CCDC144A: variants seen among roughly 807,000 people sequenced by gnomAD.
The protein encoded by CCDC144A is coiled-coil domain-containing protein 144A.
In CCDC144A, 41 loss-of-function variants were observed where a neutral mutation model predicts 143.8. The ratio of observed to expected loss-of-function variants is 0.29; its 90% CI spans 0.22 to 0.37. CCDC144A has a LOEUF of 0.37. Ranked by LOEUF, CCDC144A falls within the 10% of genes least tolerant of loss-of-function variation. The pLI, the probability that CCDC144A is intolerant of heterozygous loss-of-function variation, is 1.00. For missense variants in CCDC144A, 637 were observed against 1,488.8 expected, an observed-to-expected ratio of 0.43 and a Z score of 9.41; for synonymous variants, 242 against 517.9, an observed-to-expected ratio of 0.47 and a Z score of 7.23.
intron 12 of CCDC144A, chr17:16,746,747 C>T (rs1914542612): frequency 1.2e-6 from 2 of 1,609,954 alleles, no homozygotes; most frequent in South Asian, 1.1e-5. Flanking sequence ...CGGAGGCAGG[C>T]GGCAGATGAC....
At chr17:16,772,844 A>C in intron 16 of CCDC144A, 1 of 1,114,248 alleles carries the variant, frequency 9.0e-7, no homozygotes, top group Non-Finnish European at 1.3e-6. Flanking sequence ...GAAATTGCCT[A>C]TTTGTCTGCT....
At chr17:16,762,840 G>C (rs1479814372) in intron 14 of CCDC144A, among the ~76,000 whole-genome samples, 1 of 151,330 alleles carries the variant, frequency 6.6e-6, no homozygotes, top group African/African-American at 2.5e-5. Flanking sequence ...ATCTATTAGG[G>C]TTTCAGCTAA....
chr17:16,684,231 C>T, the CCDC144A span: 9 of 901,964 alleles, frequency 1.0e-5, no homozygotes, highest in East Asian at 2.4e-5. Context: ...ATTCAGTGGG[C>T]GAGTATCTTA....
At chr17:16,671,523 A>G in the CCDC144A span, among the ~76,000 whole-genome samples, 6 of 151,990 alleles carry the variant, frequency 3.9e-5, no homozygotes, top group African/African-American at 1.4e-4. Context: ...AATTAAATGT[A>G]CCATTTAATC....
At chr17:16,751,680 C>T (rs1369222542) in intron 12 of CCDC144A, among the ~76,000 whole-genome samples, 2 of 152,232 alleles carry the variant, frequency 1.3e-5, no homozygotes, top group Non-Finnish European at 2.9e-5. Flanking sequence ...TGCTGGTTGT[C>T]TGGGCTTGGT....
intron 12 of CCDC144A, chr17:16,745,710 C>G: frequency 6.2e-7 from 1 of 1,614,088 alleles, no homozygotes; most frequent in Non-Finnish European, 8.5e-7. Context: ...GCCACACTCT[C>G]GCGCTCGGAA....
rs982973555 is a variant in CCDC144A, at chr17:16,690,446, C to T, written c.46C>T (p.Pro16Ser). The T allele has an allele frequency of 1.4e-5, 22 of 1,607,876 alleles. No homozygotes were observed. The African/African-American group carries it at 2.4e-4, about 18-fold the overall frequency. ...AAAGCGGGGAGGGGCTGAGGGGTCT[C>T]CGAAGCCGGCAGTCTACGCCACGAG... ...GEKRGGAEGS[P>S]KPAVYATRKT... Residue 16 changes from proline to serine, a missense_variant, in exon 1 of 17, where the codon CCG becomes TCG. Coordinates refer to ENST00000399273, the MANE Select transcript of CCDC144A (RefSeq NM_001382000.1).
chr17:16,687,873 C>T (rs1405604476), upstream of CCDC144A, among the ~76,000 whole-genome samples: 3 of 151,932 alleles, frequency 2.0e-5, no homozygotes, highest in Admixed American at 6.6e-5. Flanking sequence ...AAATCTGTAG[C>T]ATCCTGAGTA....
At chr17:16,751,646 G>A (rs988586936) in intron 12 of CCDC144A, among the ~76,000 whole-genome samples, 1 of 152,256 alleles carries the variant, frequency 6.6e-6, no homozygotes, top group Non-Finnish European at 1.5e-5. Flanking sequence ...AGGTTGCCGA[G>A]AGACCTACAA....
At chr17:16,702,521 C>T (rs1303463888) in intron 2 of CCDC144A, among the ~76,000 whole-genome samples, 1 of 152,192 alleles carries the variant, frequency 6.6e-6, no homozygotes, top group African/African-American at 2.4e-5. Flanking sequence ...ATCCTTGTCC[C>T]TGGTCTCTTC....
chr17:16,772,252 C>CGAAGAA (rs1223398544), intron 16 of CCDC144A, among the ~76,000 whole-genome samples: 1 of 152,094 alleles, frequency 6.6e-6, no homozygotes, highest in Non-Finnish European at 1.5e-5. Context: ...AAGTCTGGCT[C>CGAAGAA]TACTCTTCAC....
At chr17:16,748,082 T>A (rs1390826125) in intron 12 of CCDC144A, among the ~76,000 whole-genome samples, 2 of 152,212 alleles carry the variant, frequency 1.3e-5, no homozygotes, top group East Asian at 3.8e-4. Context: ...AAGGTCTCAC[T>A]GTGTTGCCCA....
rs1042860434 is a variant in CCDC144A, at chr17:16,736,698, G to A, written c.3372+1055G>A. Among the ~76,000 whole-genome samples the A allele has an allele frequency of 6.6e-5, 10 of 151,696 alleles. No individual in the cohort carries two copies. In the East Asian group the frequency reaches 1.4e-3, roughly 21 times the overall value. On this transcript the variant is annotated intron_variant, in intron 12 of 16. Transcript: ENST00000399273. ...ACATATAGCAGGAATGGACTGAATC[G>A]GTGAGACAGTTGTAGGAGCTGAGAT...
At chr17:16,753,448 T>G (rs1201508104) in intron 12 of CCDC144A, among the ~76,000 whole-genome samples, 38 of 145,844 alleles carry the variant, frequency 2.6e-4, no homozygotes, top group African/African-American at 6.4e-4. Context: ...TTTTTTTTTT[T>G]TTTTTTTTGT....
At chr17:16,692,187 G>T (rs1370357644) in intron 1 of CCDC144A, among the ~76,000 whole-genome samples, 2 of 151,860 alleles carry the variant, frequency 1.3e-5, no homozygotes, top group African/African-American at 4.8e-5. Flanking sequence ...ATGAACATGG[G>T]GATTGAGCAT....
intron 2 of CCDC144A, among the ~76,000 whole-genome samples, chr17:16,699,494 G>T (rs1911603991): frequency 1.7e-5 from 1 of 59,942 alleles, no homozygotes; most frequent in Admixed American, 2.2e-4. Context: ...TCCTGCCTCA[G>T]CCTCCTGAGT....
chr17:16,773,455 TAAC>T (rs1915899854), intron 16 of CCDC144A, 39 bp from the exon 17 acceptor site: 2 of 1,520,120 alleles, frequency 1.3e-6, no homozygotes, highest in African/African-American at 1.4e-5. Context: ...CTTAAAATAA[TAAC>T]AATAATAATA....
Position 16,690,856 on chromosome 17 carries a change from C to T in CCDC144A, c.344+112C>T, listed in dbSNP as rs1911024057. The T allele has an allele frequency of 5.3e-6, 5 of 945,350 alleles. No homozygotes were observed. In the East Asian group the frequency reaches 1.2e-4, roughly 23 times the overall value. The allele number at this position is 945,350 out of a possible 1,614,324, so 58.6% of individuals were successfully genotyped here. On this transcript the variant is annotated intron_variant, in intron 1 of 16. Coordinates refer to ENST00000399273, the MANE Select transcript of CCDC144A (RefSeq NM_001382000.1). ...ACGTCAGAGGGGTCAGGGGCCCAGG[C>T]CTCTTAGTGAGACGGGATCAAATAT...
At chr17:16,745,646 C>G in intron 12 of CCDC144A, 1 of 1,589,810 alleles carries the variant, frequency 6.3e-7, no homozygotes, top group East Asian at 2.3e-5. Context: ...CTGCCTCTTC[C>G]CTCTTCTCAG....
Sources: allele counts gnomAD v4.1 joint callset (sites outside exome capture counted in the v4.1 genomes callset), GRCh38; gene constraint gnomAD v4.1.1; transcripts MANE v1.5; gene names NCBI Gene and HGNC (gene_info 2026-07-23, HGNC 2026-07-21).